Variants in DPP6 observed in about 807,000 individuals in gnomAD.
DPP6 encodes dipeptidyl peptidase like 6, also known as A-type potassium channel modulatory protein DPP6.
In DPP6, 69 loss-of-function variants were observed where a neutral mutation model predicts 122.6. The observed-to-expected ratio is 0.56, with a 90% CI of 0.46 to 0.69. The LOEUF (loss-of-function observed/expected upper bound fraction) is 0.69, where lower values mean the gene tolerates loss of function less well. DPP6 is among the 30% of genes least tolerant of loss of function. DPP6 has a pLI of 0.00. For synonymous variants in DPP6, 418 were observed against 433.1 expected, an observed-to-expected ratio of 0.97 and a Z score of 0.43; for missense variants, 928 against 1,116.9, an observed-to-expected ratio of 0.83 and a Z score of 2.41.
chr7:154,211,391 G>T (rs1476861338), intron 1 of DPP6, among the ~76,000 whole-genome samples: 2 of 152,092 alleles, frequency 1.3e-5, no homozygotes, highest in Non-Finnish European at 2.9e-5. Flanking sequence ...GAGTCACTGG[G>T]TTTTTCCAGC....
the DPP6 span, among the ~76,000 whole-genome samples, chr7:153,832,178 T>G: frequency 3.3e-5 from 5 of 152,190 alleles, no homozygotes; most frequent in Non-Finnish European, 5.9e-5. Context: ...TAATCAAAAC[T>G]TATGGTTGTA....
intron 1 of DPP6, among the ~76,000 whole-genome samples, chr7:154,209,602 A>G (rs2150805056): frequency 6.6e-6 from 1 of 152,200 alleles, no homozygotes; most frequent in Non-Finnish European, 1.5e-5. Context: ...CAGTGATACC[A>G]AGCGTACCTA....
the DPP6 span, among the ~76,000 whole-genome samples, chr7:153,756,261 T>C: frequency 9.9e-5 from 15 of 151,510 alleles, no homozygotes; most frequent in Non-Finnish European, 1.5e-5. Flanking sequence ...GTTCCTCCTA[T>C]GCTGGAGAAT....
chr7:154,277,148 C>T (rs1328670593), intron 1 of DPP6, among the ~76,000 whole-genome samples: 1 of 152,200 alleles, frequency 6.6e-6, no homozygotes, highest in Non-Finnish European at 1.5e-5. Context: ...ACATGTGTGT[C>T]AGGCAACTCA....
chr7:154,854,845 C>A (rs989348482), intron 17 of DPP6, among the ~76,000 whole-genome samples: 1 of 152,198 alleles, frequency 6.6e-6, no homozygotes, highest in Non-Finnish European at 1.5e-5. Flanking sequence ...CCCTCGGTCC[C>A]TCCCTTTCCA....
intron 8 of DPP6, among the ~76,000 whole-genome samples, chr7:154,738,142 C>A (rs759270031): frequency 6.6e-6 from 1 of 152,228 alleles, no homozygotes; most frequent in Non-Finnish European, 1.5e-5. Context: ...TCTCAGATGT[C>A]TGCGTGCCCA....
At chr7:153,792,834 G>A in the DPP6 span, among the ~76,000 whole-genome samples, 1 of 151,950 alleles carries the variant, frequency 6.6e-6, no homozygotes, top group Non-Finnish European at 1.5e-5. Flanking sequence ...ACTGAATCAT[G>A]GGGGCCAGTC....
intron 2 of DPP6, among the ~76,000 whole-genome samples, chr7:154,463,588 C>A (rs1433033862): frequency 3.7e-4 from 57 of 152,142 alleles, no homozygotes; most frequent in Non-Finnish European, 2.9e-5. Context: ...CTGAAGCCAG[C>A]CTGTCTCTGA....
chr7:154,308,294 T>A (rs1806542629), intron 1 of DPP6, among the ~76,000 whole-genome samples: 2 of 133,676 alleles, frequency 1.5e-5, no homozygotes, highest in Admixed American at 1.5e-4. Context: ...AGATTGTTGT[T>A]TTTTTTCTAC....
intron 1 of DPP6, among the ~76,000 whole-genome samples, chr7:153,899,984 C>T (rs984651988): frequency 1.3e-5 from 2 of 152,176 alleles, no homozygotes; most frequent in Non-Finnish European, 2.9e-5. Flanking sequence ...GAAATATTAA[C>T]GTATTCTAGA....
intron 2 of DPP6, among the ~76,000 whole-genome samples, chr7:154,455,390 C>A (rs1257315714): frequency 6.6e-6 from 1 of 152,122 alleles, no homozygotes; most frequent in African/African-American, 2.4e-5. Context: ...GTGTCCACCA[C>A]CACGAGCAAG....
intron 8 of DPP6, among the ~76,000 whole-genome samples, chr7:154,763,971 C>T (rs1342281320): frequency 1.0e-5 from 1 of 99,066 alleles, no homozygotes; most frequent in East Asian, 2.4e-4. Flanking sequence ...TGTGCACTCA[C>T]CTTGCACAGA....
chr7:154,304,118 G>A (rs558985656), intron 1 of DPP6, among the ~76,000 whole-genome samples: 1 of 152,296 alleles, frequency 6.6e-6, no homozygotes, highest in Non-Finnish European at 1.5e-5. Context: ...ATATATAAAT[G>A]GCTGAACTCT....
chr7:154,809,456 A>T (rs770098039), intron 16 of DPP6, among the ~76,000 whole-genome samples: 2 of 152,154 alleles, frequency 1.3e-5, no homozygotes, highest in African/African-American at 2.4e-5. Context: ...AGCGGGTTTC[A>T]TCCTTGAAGT....
chr7:154,504,314 G>A (rs6955202), intron 3 of DPP6, among the ~76,000 whole-genome samples: 82,535 of 151,966 alleles, frequency 0.54, 22,657 homozygotes, highest in Middle Eastern at 0.6. Flanking sequence ...GACAGTTACT[G>A]TCTGGCTTGT....
intron 1 of DPP6, among the ~76,000 whole-genome samples, chr7:154,445,756 T>C (rs1819810488): frequency 7.1e-6 from 1 of 141,178 alleles, no homozygotes; most frequent in Non-Finnish European, 1.5e-5. Context: ...TACCCTGAAA[T>C]AGAAGTTGAT....
At chr7:153,979,480 T>C (rs1329215450) in intron 1 of DPP6, among the ~76,000 whole-genome samples, 2 of 152,280 alleles carry the variant, frequency 1.3e-5, no homozygotes, top group African/African-American at 4.8e-5. Context: ...TATACAGTCA[T>C]GTCATCTGCA....
intron 1 of DPP6, among the ~76,000 whole-genome samples, chr7:153,934,170 T>C (rs1452236416): frequency 6.6e-6 from 1 of 152,110 alleles, no homozygotes; most frequent in Non-Finnish European, 1.5e-5. Flanking sequence ...CTCATCTAAT[T>C]TGAAGCACCT....
At chr7:153,804,245 T>G in the DPP6 span, among the ~76,000 whole-genome samples, 1 of 151,940 alleles carries the variant, frequency 6.6e-6, no homozygotes, top group African/African-American at 2.4e-5. Flanking sequence ...AGAGATGAGG[T>G]TTCACCATGT....
Sources: allele counts gnomAD v4.1 joint callset (sites outside exome capture counted in the v4.1 genomes callset), GRCh38; gene constraint gnomAD v4.1.1; transcripts MANE v1.5; gene names NCBI Gene and HGNC (gene_info 2026-07-23, HGNC 2026-07-21).